The following FCRL5 variants were observed in gnomAD, a reference collection of about 807,000 sequenced individuals.
FCRL5 encodes the protein Fc receptor-like protein 5.
Under a neutral mutation model 92.1 loss-of-function variants are expected in FCRL5, and 79 were observed. That is an observed-to-expected ratio of 0.86 (90% CI 0.72 to 1.03). FCRL5 has a LOEUF of 1.03. FCRL5 is among the 50% of genes least tolerant of loss of function. FCRL5 has a pLI of 0.00. For synonymous variants in FCRL5, 466 were observed against 469.3 expected (o/e 0.99, Z 0.09); for missense variants, 1,160 against 1,181.1 (o/e 0.98, Z 0.26).
intron 7 of FCRL5, among the ~76,000 whole-genome samples, chr1:157,538,781 G>A (rs961740694): frequency 2.0e-5 from 3 of 152,176 alleles, no homozygotes; most frequent in African/African-American, 7.2e-5. Flanking sequence ...ACAAAAATCA[G>A]GCATCTGGCA....
chr1:157,547,702 G>A (rs1039649925), intron 2 of FCRL5, among the ~76,000 whole-genome samples: 1 of 152,168 alleles, frequency 6.6e-6, no homozygotes, highest in African/African-American at 2.4e-5. Flanking sequence ...ACAGCTAATT[G>A]TGGCAGAGCA....
rs113369395 is a variant in FCRL5 at position 157,520,694 on chromosome 1, G to A, written c.2516-147C>T. 3 of 646,048 alleles carry A rather than the reference G, an allele frequency of 4.6e-6. 1 individual carries two copies. Among genetic ancestry groups the A allele is most frequent in the South Asian group, 4.0e-5 (2 of 49,744 alleles). 40.0% of individuals were successfully genotyped at this position (646,048 alleles called of 1,614,324 possible). A position where few individuals can be genotyped will look rare whatever the true frequency, so the allele number is the denominator to read the frequency against. The stretch of plus-strand genomic sequence containing the variant: ...AGGGGCTGGTGTGGCACAGAAGATG[G>A]CTCCTGTCTTTGTGAGGAAGCCGTC... On this transcript the variant is annotated intron_variant, in intron 11 of 16. Transcript: ENST00000361835.
intron 2 of FCRL5, chr1:157,547,408 A>G: frequency 1.3e-6 from 1 of 751,510 alleles, no homozygotes; most frequent in South Asian, 1.4e-5. Flanking sequence ...GAGCAAAATG[A>G]TTTCAGGAGG....
rs752647128 is a variant in FCRL5, at chr1:157,547,047, C to G, written c.203G>C (p.Arg68Thr). Residue 68 changes from arginine (R) to threonine (T), a missense_variant, in exon 3 of 17, where the codon AGA becomes ACA. By Grantham distance (71) the Arg-to-Thr change is moderately conservative. Transcript: ENST00000361835. ...CTCAAGGATATTGTCTGGGGTTTCTCTTAGTATTTCTTTCCCAAGGTACCG... is the reference window on the plus strand; with the variant it reads ...CTCAAGGATATTGTCTGGGGTTTCTGTTAGTATTTCTTTCCCAAGGTACCG... ...YHRYLGKEIL[R>T]ETPDNILEVQ... The G allele has an allele frequency of 2.5e-6, 4 of 1,614,038 alleles. No homozygotes were observed. The highest frequency in any genetic ancestry group is 3.3e-5 in the Admixed American group (2 of 60,008).
chr1:157,517,362 C>T (rs1649975939), intron 15 of FCRL5, among the ~76,000 whole-genome samples: 1 of 152,176 alleles, frequency 6.6e-6, no homozygotes, highest in Admixed American at 6.5e-5. Flanking sequence ...GCCCTAATTG[C>T]TGCAACCTGT....
At chr1:157,526,781 T>C (rs1280856456) in intron 9 of FCRL5, among the ~76,000 whole-genome samples, 2 of 151,850 alleles carry the variant, frequency 1.3e-5, no homozygotes, top group Admixed American at 6.6e-5. Context: ...GGGAGTTCTG[T>C]TGAGGTCTGA....
chr1:157,552,296 TCCCA>T, intron 1 of FCRL5, 32 bp downstream of exon 1: 1 of 1,611,170 alleles, frequency 6.2e-7, no homozygotes, highest in Non-Finnish European at 8.5e-7. Flanking sequence ...GCTGTCCCGA[TCCCA>T]CCCAGGGCCC....
intron 6 of FCRL5, among the ~76,000 whole-genome samples, chr1:157,540,912 G>A (rs1651231002): frequency 6.6e-6 from 1 of 152,174 alleles, no homozygotes; most frequent in Non-Finnish European, 1.5e-5. Flanking sequence ...TCATTGAGGT[G>A]GGTATTATTG....
At chr1:157,518,376 C>T (rs1319867707) in intron 15 of FCRL5, 53 bp downstream of exon 15, 3 of 1,476,692 alleles carry the variant, frequency 2.0e-6, no homozygotes, top group African/African-American at 2.8e-5. Context: ...AGAAACTGAG[C>T]TATACTGTCT....
At chr1:157,519,842 C>T (rs961577872) in intron 12 of FCRL5, 72 bp from the exon 13 acceptor site, 103 of 1,507,412 alleles carry the variant, frequency 6.8e-5, no homozygotes, top group Non-Finnish European at 9.4e-5. Context: ...TCAGGCAAGG[C>T]TCACTTAGAA....
intron 10 of FCRL5, among the ~76,000 whole-genome samples, chr1:157,523,118 G>A (rs760368502): frequency 7.2e-5 from 11 of 152,202 alleles, no homozygotes; most frequent in Admixed American, 2.0e-4. Flanking sequence ...GGGTTAGCAT[G>A]CCCAGATCAA....
chr1:157,521,242 C>T lies in FCRL5; in HGVS notation c.2290G>A (p.Ala764Thr). Reference protein sequence around the residue: ...LTLRAPGTHAAVGDLLELHCE... With the variant: ...LTLRAPGTHATVGDLLELHCE... Reference sequence around the variant, plus strand: ...TGAAGCTCCAGCAGGTCCCCCACCGCAGCATGGGTCCCGGGAGCCCTGAGG... The same window carrying T: ...TGAAGCTCCAGCAGGTCCCCCACCGTAGCATGGGTCCCGGGAGCCCTGAGG... The change falls in exon 11 of 17, where the codon GCG (alanine) becomes ACG (threonine). Residue 764 changes from alanine (A) to threonine (T), a missense_variant. Transcript: ENST00000361835. 6.2e-7 allele frequency: 1 copy of T among 1,614,012 alleles called. No homozygotes were observed. Among genetic ancestry groups the T allele is most frequent in the Non-Finnish European group, 8.5e-7 (1 of 1,179,998 alleles).
chr1:157,538,575 A>G (rs1346698411), intron 7 of FCRL5, among the ~76,000 whole-genome samples: 2 of 152,166 alleles, frequency 1.3e-5, no homozygotes, highest in Non-Finnish European at 2.9e-5. Context: ...TTTCTTACCT[A>G]CTGCCCAATC....
Position 157,543,028 on chromosome 1 carries a change from C to T in FCRL5, c.954G>A (p.Leu318=), listed in dbSNP as rs1651344486. 6.8e-6 allele frequency: 11 copies of T among 1,614,256 alleles called. No homozygotes were observed. The highest frequency in any genetic ancestry group is 2.2e-5 in the East Asian group (1 of 44,888). Residue 318 remains leucine (L), a synonymous_variant, in exon 6 of 17, where the codon TTG becomes TTA. Coordinates refer to ENST00000361835, the MANE Select transcript of FCRL5 (RefSeq NM_031281.3). ...GGACACCCTCATGATAAAACCTGTA[C>T]AAAGTGCGCAGAGAATCTTCCTGGG... is the stretch of plus-strand genomic sequence containing the variant. ...CETQEDSLRT[L]YRFYHEGVPL...
intron 8 of FCRL5, among the ~76,000 whole-genome samples, chr1:157,531,334 A>G (rs113506488): frequency 0.041 from 6,312 of 152,288 alleles, 452 homozygotes; most frequent in African/African-American, 0.14. Context: ...GTGCTGGTTA[A>G]GTTGTGGAGA....
intron 8 of FCRL5, 127 bp downstream of exon 8, chr1:157,534,487 G>A (rs1650845610): frequency 4.4e-6 from 5 of 1,143,048 alleles, no homozygotes; most frequent in Non-Finnish European, 5.2e-6. Flanking sequence ...AGTTAGTTGA[G>A]GAGGAAGCCA....
At chr1:157,541,225 C>A (rs73011576) in intron 6 of FCRL5, among the ~76,000 whole-genome samples, 12,275 of 152,188 alleles carry the variant, frequency 0.081, 1,329 homozygotes, top group African/African-American at 0.24. Context: ...CAAGTCCCAA[C>A]TCCTCTACTG....
chr1:157,550,304 A>G (rs1651757808), intron 1 of FCRL5, among the ~76,000 whole-genome samples: 5 of 152,194 alleles, frequency 3.3e-5, no homozygotes, highest in African/African-American at 1.2e-4. Context: ...TTGATGGAGC[A>G]CTCTGTCAGT....
At chr1:157,550,395 C>T (rs1349452690) in intron 1 of FCRL5, among the ~76,000 whole-genome samples, 1 of 152,058 alleles carries the variant, frequency 6.6e-6, no homozygotes, top group African/African-American at 2.4e-5. Context: ...ATTAAGCCTC[C>T]CTTGGGCACC....
Sources: allele counts gnomAD v4.1 joint callset (sites outside exome capture counted in the v4.1 genomes callset), GRCh38; gene constraint gnomAD v4.1.1; transcripts MANE v1.5; gene names NCBI Gene and HGNC (gene_info 2026-07-23, HGNC 2026-07-21).